Variants in TNRC6A observed in about 807,000 individuals in gnomAD.
TNRC6A encodes trinucleotide repeat containing adaptor 6A.
Under a neutral mutation model 221.2 loss-of-function variants are expected in TNRC6A, and 44 were observed. That is an observed-to-expected ratio of 0.20 (90% CI 0.16 to 0.26). The LOEUF is 0.26. Among genes scored for constraint, TNRC6A ranks in the 10% least tolerant of loss-of-function variants. TNRC6A has a pLI of 1.00. For missense variants in TNRC6A, 2,199 were observed against 2,404.4 expected, an observed-to-expected ratio of 0.91 and a Z score of 1.79; for synonymous variants, 847 against 838.5, an observed-to-expected ratio of 1.01 and a Z score of -0.18.
intron 20 of TNRC6A, among the ~76,000 whole-genome samples, 161 bp downstream of exon 20, chr16:24,817,117 T>C (rs952872168): frequency 1.4e-4 from 22 of 152,134 alleles, no homozygotes; most frequent in African/African-American, 4.8e-4. Context: ...TGTGGGACCC[T>C]GTCTCTTTAA....
intron 5 of TNRC6A, 68 bp from the exon 6 acceptor site, chr16:24,789,164 T>G: frequency 6.9e-7 from 1 of 1,440,468 alleles, no homozygotes; most frequent in Non-Finnish European, 9.3e-7. Flanking sequence ...GTCATTTTTC[T>G]TAGATTTTAG....
chr16:24,656,747 C>T (rs991364644), intron 2 of TNRC6A, among the ~76,000 whole-genome samples: 1 of 151,838 alleles, frequency 6.6e-6, no homozygotes, highest in Non-Finnish European at 1.5e-5. Flanking sequence ...TGTTTATGTA[C>T]AAAACAACAA....
At chr16:24,666,909 A>G (rs1170847399) in intron 2 of TNRC6A, among the ~76,000 whole-genome samples, 1 of 151,394 alleles carries the variant, frequency 6.6e-6, no homozygotes, top group Non-Finnish European at 1.5e-5. Context: ...TGGGATCAGG[A>G]GTTCGAGAGC....
intron 2 of TNRC6A, among the ~76,000 whole-genome samples, chr16:24,717,633 A>G (rs7201560): frequency 0.1 from 15,404 of 152,112 alleles, 1,778 homozygotes; most frequent in East Asian, 0.35. Context: ...CAGAGACCAC[A>G]CAGAAGTCTA....
At chr16:24,615,303 G>T (rs920857044) in intron 1 of TNRC6A, among the ~76,000 whole-genome samples, 4 of 152,244 alleles carry the variant, frequency 2.6e-5, no homozygotes, top group Middle Eastern at 3.4e-3. Flanking sequence ...AGGGCAGGAA[G>T]ATGTCAACCA....
At chr16:24,706,977 ATTTTTATTTATG>A (rs754477786) in intron 2 of TNRC6A, among the ~76,000 whole-genome samples, 51 of 113,878 alleles carry the variant, frequency 4.5e-4, no homozygotes, top group African/African-American at 1.8e-3. Flanking sequence ...TTATTTATCT[ATTTTTATTTATG>A]TATTTATTTA....
At chr16:24,642,368 G>A (rs1023602884) in intron 2 of TNRC6A, among the ~76,000 whole-genome samples, 15 of 152,150 alleles carry the variant, frequency 9.9e-5, no homozygotes, top group African/African-American at 2.2e-4. Flanking sequence ...GTCAGTGGGC[G>A]GAAAGCAGGG....
chr16:24,697,872 T>C (rs1335320913), intron 2 of TNRC6A, among the ~76,000 whole-genome samples: 1 of 151,818 alleles, frequency 6.6e-6, no homozygotes, highest in Non-Finnish European at 1.5e-5. Context: ...AAACCCTGTC[T>C]CTATTAAAAA....
intron 20 of TNRC6A, among the ~76,000 whole-genome samples, chr16:24,817,372 TA>T (rs2058677336): frequency 6.6e-6 from 1 of 152,164 alleles, no homozygotes; most frequent in Non-Finnish European, 1.5e-5. Context: ...GTTACAAGAT[TA>T]TGGTAGTTTA....
chr16:24,652,968 A>G (rs1363222144), intron 2 of TNRC6A, among the ~76,000 whole-genome samples: 2 of 152,196 alleles, frequency 1.3e-5, no homozygotes, highest in African/African-American at 4.8e-5. Context: ...ATTCTCTTGA[A>G]CTTTGTTTAA....
intron 15 of TNRC6A, 91 bp downstream of exon 15, chr16:24,805,824 A>C (rs755765045): frequency 3.9e-6 from 6 of 1,523,564 alleles, no homozygotes; most frequent in Non-Finnish European, 5.4e-6. Context: ...TAGTGCACTA[A>C]ACAAAACAGG....
At chr16:24,698,509 G>A (rs1320998417) in intron 2 of TNRC6A, among the ~76,000 whole-genome samples, 1 of 152,098 alleles carries the variant, frequency 6.6e-6, no homozygotes, top group Non-Finnish European at 1.5e-5. Flanking sequence ...TGTGTTCCAG[G>A]GACCATTACA....
chr16:24,643,557 G>GCTTC (rs1491342309), intron 2 of TNRC6A, among the ~76,000 whole-genome samples: 1 of 151,988 alleles, frequency 6.6e-6, no homozygotes, highest in Non-Finnish European at 1.5e-5. Context: ...CATCTTCCTG[G>GCTTC]CTTCCAGCCG....
chr16:24,796,777 T>C (rs2058228106), intron 9 of TNRC6A, among the ~76,000 whole-genome samples: 1 of 152,078 alleles, frequency 6.6e-6, no homozygotes, highest in Non-Finnish European at 1.5e-5. Context: ...CTGAGAATGG[T>C]CCAGTGAGAC....
chr16:24,630,939 G>A (rs1410418288), intron 1 of TNRC6A, among the ~76,000 whole-genome samples: 2 of 152,086 alleles, frequency 1.3e-5, no homozygotes, highest in Non-Finnish European at 2.9e-5. Context: ...TTGCTGGGGT[G>A]GAGGTGGGAA....
At chr16:24,735,122 A>C (rs1006231660) in intron 2 of TNRC6A, among the ~76,000 whole-genome samples, 2 of 152,218 alleles carry the variant, frequency 1.3e-5, no homozygotes, top group African/African-American at 4.8e-5. Context: ...TCTCTACTAA[A>C]AGTACAAAAA....
chr16:24,631,919 C>T (rs1280886993), intron 1 of TNRC6A, among the ~76,000 whole-genome samples: 1 of 151,888 alleles, frequency 6.6e-6, no homozygotes, highest in Non-Finnish European at 1.5e-5. Flanking sequence ...AGTGCAGTGA[C>T]TAGATCATAG....
chr16:24,625,758 A>C (rs1900951506), intron 1 of TNRC6A, among the ~76,000 whole-genome samples: 1 of 142,738 alleles, frequency 7.0e-6, no homozygotes, highest in African/African-American at 2.7e-5. Flanking sequence ...AAAAAAAAAA[A>C]AAAATTAGCT....
chr16:24,706,623 C>T (rs926909433), intron 2 of TNRC6A, among the ~76,000 whole-genome samples: 4 of 144,946 alleles, frequency 2.8e-5, no homozygotes, highest in African/African-American at 5.1e-5. Flanking sequence ...ACCCAGGAGA[C>T]GGAGCTTGCA....
Sources: gnomAD v4.1 joint callset for allele counts (sites outside exome capture counted in the v4.1 genomes callset) on GRCh38, gnomAD v4.1.1 for gene constraint, MANE v1.5 for transcripts, NCBI Gene and HGNC (gene_info 2026-07-23, HGNC 2026-07-21) for gene names.